DDI2: variants seen among roughly 807,000 people sequenced by gnomAD.
DDI2 encodes the protein DDI proteasomal shuttling factor 2, also known as protein DDI1 homolog 2.
A neutral mutation model predicts 48.1 loss-of-function variants in DDI2; 5 were observed. That is an observed-to-expected ratio of 0.10 (90% CI 0.05 to 0.22). The LOEUF is 0.22. Ranked by LOEUF, DDI2 falls within the 10% of genes least tolerant of loss-of-function variation. The pLI is 1.00. For synonymous variants in DDI2, 205 were observed against 183.6 expected, an observed-to-expected ratio of 1.12 and a Z score of -0.94; for missense variants, 285 against 506.2, an observed-to-expected ratio of 0.56 and a Z score of 4.19.
intron 2 of DDI2, among the ~76,000 whole-genome samples, chr1:15,629,048 G>A (rs911043951): frequency 6.6e-6 from 1 of 152,160 alleles, no homozygotes; most frequent in African/African-American, 2.4e-5. Flanking sequence ...GAACCTGGGA[G>A]TTGTAGCTTC....
chr1:15,660,779 C>T lies in DDI2; in HGVS notation c.*989C>T, dbSNP rs145217535. 189 of 1,613,906 alleles carry T rather than the reference C, an allele frequency of 1.2e-4. 2 individuals are homozygous for T. The African/African-American group carries it at 2.1e-3, about 18-fold the overall frequency. ...CCTTCATCTGAAATTTTGAATGATT[C>T]CATTTCCACTCAGGATTTACAGCCC... On this transcript the variant is annotated 3_prime_UTR_variant, in exon 10 of 10. Transcript: ENST00000480945.
At chr1:15,635,433 T>C (rs986687554) in intron 4 of DDI2, among the ~76,000 whole-genome samples, 3 of 151,752 alleles carry the variant, frequency 2.0e-5, no homozygotes, top group African/African-American at 7.3e-5. Context: ...CAAGACGGAG[T>C]CTTGCTCTGT....
chr1:15,632,858 C>T (rs1639866168), intron 3 of DDI2, among the ~76,000 whole-genome samples: 1 of 150,984 alleles, frequency 6.6e-6, no homozygotes, highest in South Asian at 2.1e-4. Flanking sequence ...AAGTTGTTAC[C>T]TCTGAGTAGA....
chr1:15,647,944 A>G (rs1443379250), intron 6 of DDI2, among the ~76,000 whole-genome samples: 1 of 152,230 alleles, frequency 6.6e-6, no homozygotes, highest in Admixed American at 6.5e-5. Flanking sequence ...AGCCTGGGCA[A>G]TAGAGCAATA....
chr1:15,649,881 C>A, intron 7 of DDI2, 58 bp downstream of exon 7: 1 of 1,505,624 alleles, frequency 6.6e-7, no homozygotes, highest in Non-Finnish European at 9.0e-7. Context: ...TGGTCATTAT[C>A]ACATTATTTT....
At chr1:15,655,446 C>CT (rs112221616) in intron 8 of DDI2, among the ~76,000 whole-genome samples, 56 of 150,382 alleles carry the variant, frequency 3.7e-4, no homozygotes, top group African/African-American at 1.3e-3. Flanking sequence ...TGGCAAAACA[C>CT]TTGTTTCTAA....
At position 15,660,609 on chromosome 1, in the gene DDI2, A is replaced by G; in HGVS notation, c.*819A>G. On this transcript the variant is annotated 3_prime_UTR_variant, in exon 10 of 10. Coordinates refer to ENST00000480945, the MANE Select transcript of DDI2 (RefSeq NM_032341.5). ...GCAGTGGCTGCTCAAATTCAGAAAC[A>G]TTTATGGAAATCGATACAGCTCAAC... 2.5e-6 allele frequency: 4 copies of G among 1,614,106 alleles called. No homozygotes were observed. The highest frequency in any genetic ancestry group is 3.4e-6 in the Non-Finnish European group (4 of 1,180,010).
At position 15,667,943 on chromosome 1, in the gene DDI2, G is replaced by T. The variant is rs1021004240; in HGVS notation, c.*8153G>T. On this transcript the variant is annotated 3_prime_UTR_variant, in exon 10 of 10. Coordinates refer to ENST00000480945, the MANE Select transcript of DDI2 (RefSeq NM_032341.5). ...GGCCAAGAAAATGGTTCAAGGGCAT[G>T]GGGGTTAGAGAATGTTTCTTTTACC... 2 of 152,200 alleles carry T rather than the reference G, an allele frequency of 1.3e-5. No homozygotes were observed. Among genetic ancestry groups the T allele is most frequent in the African/African-American group, 4.8e-5 (2 of 41,444 alleles). The allele number at this position is 152,200 out of a possible 1,614,324, so 9.4% of individuals were successfully genotyped here.
rs1213702156 is a variant in DDI2, at chr1:15,633,581, T to C, written c.632+16T>C. 1.9e-6 allele frequency: 3 copies of C among 1,608,466 alleles called. No individual in the cohort carries two copies. Among genetic ancestry groups the C allele is most frequent in the Non-Finnish European group, 2.5e-6 (3 of 1,177,108 alleles). On this transcript the variant is annotated intron_variant, in intron 4 of 9. Coordinates refer to ENST00000480945, the MANE Select transcript of DDI2 (RefSeq NM_032341.5). ...AAGATATAAGGTAAAGACCTGTTCA[T>C]CTAAAGAACAAAACTTAGAGACTCC...
At chr1:15,617,908 G>A in intron 1 of DDI2, 100 bp downstream of exon 1, 6 of 1,378,510 alleles carry the variant, frequency 4.4e-6, no homozygotes, top group Non-Finnish European at 4.7e-6. Context: ...TGGGGGCTGG[G>A]GGGAGCAAGG....
chr1:15,659,689 T>C, intron 9 of DDI2, 148 bp from the exon 10 acceptor site: 1 of 741,132 alleles, frequency 1.3e-6, no homozygotes. Context: ...GAGAAAGTAA[T>C]TTTAAAATCA....
At chr1:15,629,823 C>A (rs1420963766) in intron 2 of DDI2, among the ~76,000 whole-genome samples, 8 of 151,662 alleles carry the variant, frequency 5.3e-5, no homozygotes, top group Non-Finnish European at 1.0e-4. Flanking sequence ...CCTCCACCTC[C>A]CGGGTTCAGG....
intron 6 of DDI2, among the ~76,000 whole-genome samples, chr1:15,647,250 T>C (rs78873257): frequency 0.36 from 53,862 of 151,466 alleles, 11,283 homozygotes; most frequent in African/African-American, 0.58. Context: ...CAGGTTCAAG[T>C]GATTCTCCTG....
chr1:15,618,216 A>G (rs779136976), intron 1 of DDI2, among the ~76,000 whole-genome samples: 4 of 147,090 alleles, frequency 2.7e-5, no homozygotes, highest in Admixed American at 2.7e-4. Context: ...CAGAAATACC[A>G]GTTTGGATCA....
intron 5 of DDI2, among the ~76,000 whole-genome samples, chr1:15,641,542 A>C (rs911346818): frequency 2.0e-5 from 3 of 152,158 alleles, no homozygotes; most frequent in Non-Finnish European, 4.4e-5. Context: ...TGTACCCCTA[A>C]GGGTCACAAC....
rs1287068517 is a variant in DDI2 at position 15,662,238 on chromosome 1, T to A, written c.*2448T>A. On this transcript the variant is annotated 3_prime_UTR_variant, in exon 10 of 10. Transcript: ENST00000480945. ...TTGGAATTCTACCCAGTGCTCTGTG[T>A]ATCATGATTCATTAATTATAACAGG... The A allele has an allele frequency of 2.0e-5, 3 of 152,736 alleles. No homozygotes were observed. Among genetic ancestry groups the A allele is most frequent in the Non-Finnish European group, 2.9e-5 (2 of 68,438 alleles). 9.5% of individuals were successfully genotyped at this position (152,736 alleles called of 1,614,324 possible).
chr1:15,660,254 A>G lies in DDI2; in HGVS notation c.*464A>G. 6.2e-7 allele frequency: 1 copy of G among 1,614,222 alleles called. No individual in the cohort carries two copies. Among genetic ancestry groups the G allele is most frequent in the Non-Finnish European group, 8.5e-7 (1 of 1,180,040 alleles). On this transcript the variant is annotated 3_prime_UTR_variant, in exon 10 of 10. Transcript: ENST00000480945. ...CTCAAATTTCATCTCCATACAAGAC[A>G]GGAAGCTAGTTTATCTGTCACATCT...
At position 15,661,017 on chromosome 1, in the gene DDI2, A is replaced by G. The variant is rs1267950927; in HGVS notation, c.*1227A>G. 1.2e-6 allele frequency: 2 copies of G among 1,614,144 alleles called. No homozygotes were observed. The highest frequency in any genetic ancestry group is 1.7e-6 in the Non-Finnish European group (2 of 1,180,012). ...CTGAAGAAGTAATCTGTCAATCAGAAACCATAGCTGAGGGCCAAACCAGTA... is the reference window on the plus strand; with the variant it reads ...CTGAAGAAGTAATCTGTCAATCAGAGACCATAGCTGAGGGCCAAACCAGTA... On this transcript the variant is annotated 3_prime_UTR_variant, in exon 10 of 10. Coordinates refer to ENST00000480945, the MANE Select transcript of DDI2 (RefSeq NM_032341.5).
At chr1:15,632,463 G>A (rs567178047) in intron 3 of DDI2, among the ~76,000 whole-genome samples, 5 of 152,130 alleles carry the variant, frequency 3.3e-5, no homozygotes, top group African/African-American at 1.2e-4. Flanking sequence ...AACCTGGGAG[G>A]TGGAGGTTGT....
Sources: gnomAD v4.1 joint callset for allele counts (sites outside exome capture counted in the v4.1 genomes callset) on GRCh38, gnomAD v4.1.1 for gene constraint, MANE v1.5 for transcripts, NCBI Gene and HGNC (gene_info 2026-07-23, HGNC 2026-07-21) for gene names.